ITGAV: variants seen among roughly 807,000 people sequenced by gnomAD.
ITGAV encodes the protein integrin subunit alpha V, also known as integrin alpha-V.
ITGAV carries 76 observed loss-of-function variants against 143.8 expected under a neutral mutation model. The ratio of observed to expected loss-of-function variants is 0.53; its 90% CI spans 0.44 to 0.64. The LOEUF is 0.64. Among genes scored for constraint, ITGAV ranks in the 30% least tolerant of loss-of-function variants. The probability of loss-of-function intolerance (pLI) is 0.00; values close to 1 mark genes in which losing one functional copy is unlikely to be tolerated. For missense variants in ITGAV, 1,193 were observed against 1,274.7 expected (o/e 0.94, Z 0.98); for synonymous variants, 453 against 446.7 (o/e 1.01, Z -0.18).
intron 2 of ITGAV, among the ~76,000 whole-genome samples, chr2:186,603,630 A>T (rs1467012932): frequency 6.6e-6 from 1 of 152,204 alleles, no homozygotes; most frequent in Non-Finnish European, 1.5e-5. Context: ...TGTCTAACAA[A>T]ATATGAGAAC....
intron 1 of ITGAV, among the ~76,000 whole-genome samples, chr2:186,598,294 T>TAC (rs56789925): frequency 0.031 from 4,623 of 147,916 alleles, 110 homozygotes; most frequent in African/African-American, 0.053. Flanking sequence ...TTATAATTTA[T>TAC]ACACACACAC....
At chr2:186,639,114 A>G (rs1688033524) in intron 10 of ITGAV, among the ~76,000 whole-genome samples, 1 of 152,190 alleles carries the variant, frequency 6.6e-6, no homozygotes, top group African/African-American at 2.4e-5. Context: ...TACATGAAAT[A>G]AGATATTTCT....
chr2:186,656,254 G>A lies in ITGAV; in HGVS notation c.1572G>A (p.Gln524=). The change falls in exon 17 of 30, where the codon CAG becomes CAA. Residue 524 remains glutamine (Q), a synonymous_variant. Coordinates refer to ENST00000261023, the MANE Select transcript of ITGAV (RefSeq NM_002210.5). ...ATCCTTTGGTTTACATAGATTTCCA[G>A]GTGGAACTTCTTTTGGATAAACTCA... is the stretch of plus-strand genomic sequence containing the variant. ...KGVLPRKLNF[Q]VELLLDKLKQ... 6.3e-7 allele frequency: 1 copy of A among 1,580,902 alleles called. No homozygotes were observed. The highest frequency in any genetic ancestry group is 1.2e-5 in the South Asian group (1 of 84,658).
intron 12 of ITGAV, among the ~76,000 whole-genome samples, chr2:186,642,790 G>A (rs951084315): frequency 1.8e-4 from 28 of 151,918 alleles, no homozygotes; most frequent in Admixed American, 1.2e-3. Flanking sequence ...TTGGCTGTGC[G>A]AAGTGCTGGA....
intron 4 of ITGAV, among the ~76,000 whole-genome samples, chr2:186,629,553 TC>T (rs1687763077): frequency 1.3e-5 from 2 of 151,810 alleles, no homozygotes; most frequent in African/African-American, 4.8e-5. Context: ...AGCATTATAC[TC>T]TTGAGGCTAT....
intron 2 of ITGAV, among the ~76,000 whole-genome samples, chr2:186,605,098 A>G (rs1687022855): frequency 6.6e-6 from 1 of 152,238 alleles, no homozygotes; most frequent in Non-Finnish European, 1.5e-5. Context: ...ATCGTATATC[A>G]GCACTAGTTA....
At chr2:186,633,142 A>C (rs1021052902) in intron 5 of ITGAV, among the ~76,000 whole-genome samples, 187 bp from the exon 6 acceptor site, 2 of 133,932 alleles carry the variant, frequency 1.5e-5, no homozygotes, top group Non-Finnish European at 1.5e-5. Flanking sequence ...TTGTCTCTAC[A>C]AAAAAAAAAA....
intron 3 of ITGAV, among the ~76,000 whole-genome samples, chr2:186,623,937 A>G (rs1687604708): frequency 6.6e-6 from 1 of 152,152 alleles, no homozygotes; most frequent in Non-Finnish European, 1.5e-5. Flanking sequence ...CCCTAACTGC[A>G]AGAAGGACCA....
At chr2:186,663,629 A>G (rs769863974) in intron 18 of ITGAV, 139 bp from the exon 19 acceptor site, 1 of 588,472 alleles carries the variant, frequency 1.7e-6, no homozygotes, top group Non-Finnish European at 3.0e-6. Flanking sequence ...GCATTCAGGT[A>G]TACAACAAAC....
chr2:186,663,037 A>G (rs1688790441), intron 18 of ITGAV, among the ~76,000 whole-genome samples: 1 of 151,770 alleles, frequency 6.6e-6, no homozygotes, highest in Admixed American at 6.6e-5. Context: ...CATCCTATCC[A>G]GCTCCTCTGC....
In ITGAV at chr2:186,649,718, A is replaced by G. The variant is rs1688370604; in HGVS notation, c.1352-122A>G. On this transcript the variant is annotated intron_variant, in intron 13 of 29. Coordinates refer to ENST00000261023, the MANE Select transcript of ITGAV (RefSeq NM_002210.5). ...TTAGCCTTTTATATGATGTCTTACAACCTCTTAATAGTTTTGAGAATTTGT... is the reference window on the plus strand; with the variant it reads ...TTAGCCTTTTATATGATGTCTTACAGCCTCTTAATAGTTTTGAGAATTTGT... 6 of 581,678 alleles carry G rather than the reference A, an allele frequency of 1.0e-5. 1 individual carries two copies. In the South Asian group the frequency reaches 1.2e-4, roughly 12 times the overall value. The allele number at this position is 581,678 out of a possible 1,614,324, so 36.0% of individuals were successfully genotyped here.
At chr2:186,632,749 A>AT (rs1157061704) in intron 5 of ITGAV, among the ~76,000 whole-genome samples, 7 of 152,170 alleles carry the variant, frequency 4.6e-5, no homozygotes, top group African/African-American at 1.7e-4. Context: ...TCACAAATTT[A>AT]ATATACAAAA....
At chr2:186,600,529 A>G (rs1686871841) in intron 1 of ITGAV, 2 of 1,065,070 alleles carry the variant, frequency 1.9e-6, no homozygotes, top group Middle Eastern at 3.0e-4. Context: ...TGCTCTGTCT[A>G]AAGAAGGTCT....
At chr2:186,665,675 T>C (rs1243696311) in intron 21 of ITGAV, among the ~76,000 whole-genome samples, 1 of 152,124 alleles carries the variant, frequency 6.6e-6, no homozygotes, top group Non-Finnish European at 1.5e-5. Context: ...CCCAGGAGCT[T>C]GAAAAGAAGC....
chr2:186,659,827 G>A (rs994569068), intron 18 of ITGAV, among the ~76,000 whole-genome samples: 11 of 150,796 alleles, frequency 7.3e-5, no homozygotes, highest in African/African-American at 2.7e-4. Context: ...GTAGCAAAAG[G>A]CAAATTAAAA....
intron 2 of ITGAV, among the ~76,000 whole-genome samples, chr2:186,604,321 TC>T (rs1306473675): frequency 2.0e-5 from 3 of 152,246 alleles, no homozygotes; most frequent in African/African-American, 7.2e-5. Context: ...TATTTCCTTA[TC>T]GGCATATGAA....
chr2:186,675,648 G>T lies in ITGAV; in HGVS notation c.2751G>T (p.Gly917=), dbSNP rs748363510. 4 of 1,613,988 alleles carry T rather than the reference G, an allele frequency of 2.5e-6. No individual in the cohort carries two copies. The Admixed American group carries it at 5.0e-5, about 20-fold the overall frequency. ...AQCLKIVCQV[G]RLDRGKSAIL... ...GCTTGAAGATTGTCTGCCAAGTTGG[G>T]AGATTAGACAGAGGAAAGAGTGCAA... The change falls in exon 27 of 30, where the codon GGG becomes GGT. Residue 917 remains glycine, a synonymous_variant. Coordinates refer to ENST00000261023, the MANE Select transcript of ITGAV (RefSeq NM_002210.5).
intron 5 of ITGAV, among the ~76,000 whole-genome samples, chr2:186,631,162 A>G (rs1687805024): frequency 6.6e-6 from 1 of 152,152 alleles, no homozygotes; most frequent in Admixed American, 6.5e-5. Flanking sequence ...AGTTATATGA[A>G]TTTATAGCAT....
chr2:186,650,327 AG>A (rs752944331), intron 14 of ITGAV, among the ~76,000 whole-genome samples: 11 of 152,050 alleles, frequency 7.2e-5, no homozygotes, highest in Non-Finnish European at 1.6e-4. Context: ...CAGCCTCCCA[AG>A]TAGGTGGGGT....
Sources: gnomAD v4.1 joint callset for allele counts (sites outside exome capture counted in the v4.1 genomes callset) on GRCh38, gnomAD v4.1.1 for gene constraint, MANE v1.5 for transcripts, NCBI Gene and HGNC (gene_info 2026-07-23, HGNC 2026-07-21) for gene names.